The following MAMDC2 variants were observed in gnomAD, a reference collection of about 807,000 sequenced individuals.
MAMDC2 encodes MAM domain-containing protein 2.
Under a neutral mutation model 89.8 loss-of-function variants are expected in MAMDC2, and 57 were observed. The observed-to-expected ratio is 0.63, with a 90% CI of 0.51 to 0.79. The LOEUF (loss-of-function observed/expected upper bound fraction) is 0.79, where lower values mean the gene tolerates loss of function less well. Ranked by LOEUF, MAMDC2 falls within the 30% of genes least tolerant of loss-of-function variation. MAMDC2 has a pLI of 0.00. For missense variants in MAMDC2, 800 were observed against 820.6 expected, an observed-to-expected ratio of 0.97 and a Z score of 0.31; for synonymous variants, 313 against 293.4, an observed-to-expected ratio of 1.07 and a Z score of -0.68.
At chr9:70,118,523 A>C (rs1280791891) in intron 5 of MAMDC2, among the ~76,000 whole-genome samples, 1 of 152,196 alleles carries the variant, frequency 6.6e-6, no homozygotes, top group Non-Finnish European at 1.5e-5. Flanking sequence ...ATGCTCTAAA[A>C]AGGAAAGAGG....
chr9:70,177,625 G>A (rs1441775280), intron 11 of MAMDC2, among the ~76,000 whole-genome samples: 4 of 152,146 alleles, frequency 2.6e-5, no homozygotes, highest in Admixed American at 6.5e-5. Context: ...AAGTTCCCAC[G>A]TTTTGCAGGA....
At chr9:70,072,883 T>C (rs1175330397) in intron 2 of MAMDC2, among the ~76,000 whole-genome samples, 4 of 152,230 alleles carry the variant, frequency 2.6e-5, no homozygotes, top group African/African-American at 9.6e-5. Flanking sequence ...CTCTGTCCAC[T>C]GGAGTGCAGT....
At chr9:70,083,009 C>T (rs1010369299) in intron 2 of MAMDC2, 1 of 152,156 alleles carries the variant, frequency 6.6e-6, no homozygotes, top group Non-Finnish European at 1.5e-5. Flanking sequence ...CTAGAAGACA[C>T]TACCTATCAT....
intron 8 of MAMDC2, among the ~76,000 whole-genome samples, chr9:70,142,817 C>T (rs1366028296): frequency 6.6e-6 from 1 of 151,922 alleles, no homozygotes; most frequent in South Asian, 2.1e-4. Flanking sequence ...GGAGGAGGAG[C>T]AGAAAAAAGA....
At chr9:70,209,319 C>T (rs577937803) in intron 11 of MAMDC2, among the ~76,000 whole-genome samples, 1 of 152,138 alleles carries the variant, frequency 6.6e-6, no homozygotes, top group East Asian at 1.9e-4. Flanking sequence ...TCTGTTATTC[C>T]TCTATTCAGG....
chr9:70,186,060 A>C (rs2032748496), intron 11 of MAMDC2, among the ~76,000 whole-genome samples: 1 of 150,588 alleles, frequency 6.6e-6, no homozygotes, highest in Non-Finnish European at 1.5e-5. Flanking sequence ...TTCCTTTACA[A>C]GTTGTTTTTT....
chr9:70,056,415 T>C (rs374434058), intron 2 of MAMDC2, among the ~76,000 whole-genome samples: 1 of 152,356 alleles, frequency 6.6e-6, no homozygotes. Flanking sequence ...CACTGTTGTT[T>C]CTAAAAATCT....
chr9:70,110,085 T>A (rs73647407), intron 4 of MAMDC2, among the ~76,000 whole-genome samples: 1,720 of 152,326 alleles, frequency 0.011, 38 homozygotes, highest in African/African-American at 0.039. Context: ...CCTCAACACA[T>A]TCTGATTAAA....
chr9:70,208,297 T>C (rs2033273457), intron 11 of MAMDC2, among the ~76,000 whole-genome samples: 2 of 152,338 alleles, frequency 1.3e-5, no homozygotes, highest in South Asian at 2.1e-4. Context: ...TTGTGTCCTC[T>C]TTTATTTCAT....
At chr9:70,207,058 T>G (rs2033241071) in intron 11 of MAMDC2, among the ~76,000 whole-genome samples, 1 of 152,242 alleles carries the variant, frequency 6.6e-6, no homozygotes, top group African/African-American at 2.4e-5. Context: ...GTTCCAAGGC[T>G]TTGCTATTGT....
chr9:70,135,624 C>CT (rs890642453), intron 7 of MAMDC2, among the ~76,000 whole-genome samples: 15 of 152,028 alleles, frequency 9.9e-5, no homozygotes, highest in Admixed American at 5.2e-4. Flanking sequence ...TACTTTTAAG[C>CT]TTTTTTTGAT....
Position 70,120,080 on chromosome 9 carries a change from A to G in MAMDC2, c.644-6079A>G, listed in dbSNP as rs114732933. 8.1e-3 allele frequency among the ~76,000 whole-genome samples: 1,235 copies of G among 152,320 alleles called. 22 individuals are homozygous for G. Among genetic ancestry groups the G allele is most frequent in the African/African-American group, 0.029 (1,191 of 41,554 alleles). On this transcript the variant is annotated intron_variant, in intron 5 of 13. Transcript: ENST00000377182. ...ACCGCACTGGTAGGCAGTTCTCTTG[A>G]GAAGAGTCCTTTTAAGGTACTGTAG...
At chr9:70,197,406 A>C (rs915634415) in intron 11 of MAMDC2, among the ~76,000 whole-genome samples, 1 of 152,126 alleles carries the variant, frequency 6.6e-6, no homozygotes, top group Admixed American at 6.6e-5. Flanking sequence ...TACTTGATGA[A>C]ATGGAAGAAC....
At chr9:70,149,045 ATTTTT>A (rs34684659) in intron 9 of MAMDC2, among the ~76,000 whole-genome samples, 1 of 95,828 alleles carries the variant, frequency 1.0e-5, no homozygotes, top group African/African-American at 4.1e-5. Context: ...AAAAAAAAAA[ATTTTT>A]TTTTTTTTTT....
chr9:70,225,060 C>T (rs979440542), intron 12 of MAMDC2, among the ~76,000 whole-genome samples: 2 of 152,088 alleles, frequency 1.3e-5, no homozygotes, highest in African/African-American at 4.8e-5. Context: ...CCATGGGCCT[C>T]CCTGGACTAT....
rs142959159 is a variant in MAMDC2, at chr9:70,213,059, A to G, written c.1652-5278A>G. The stretch of plus-strand genomic sequence containing the variant: ...CCCATGAAAGAAAGAAGTCAATCGA[A>G]TGATCCTGGGGATAATTAAGAGGTT... On this transcript the variant is annotated intron_variant, in intron 11 of 13. Coordinates refer to ENST00000377182, the MANE Select transcript of MAMDC2 (RefSeq NM_153267.5). Among the ~76,000 whole-genome samples, 598 of 152,320 alleles carry G rather than the reference A, an allele frequency of 3.9e-3. 3 individuals are homozygous for G. Among genetic ancestry groups the G allele is most frequent in the African/African-American group, 0.013 (553 of 41,578 alleles).
At chr9:70,109,521 G>A (rs1025974098) in intron 3 of MAMDC2, among the ~76,000 whole-genome samples, 199 bp from the exon 4 acceptor site, 2 of 152,182 alleles carry the variant, frequency 1.3e-5, no homozygotes, top group Non-Finnish European at 2.9e-5. Flanking sequence ...GTGCACATGC[G>A]CATGCACACA....
At chr9:70,066,212 C>T (rs1007227029) in intron 2 of MAMDC2, among the ~76,000 whole-genome samples, 29 of 152,180 alleles carry the variant, frequency 1.9e-4, no homozygotes, top group Non-Finnish European at 2.1e-4. Flanking sequence ...ACATGCGACT[C>T]TCCAGGTTCC....
At chr9:70,047,079 C>T (rs186915934) in intron 2 of MAMDC2, among the ~76,000 whole-genome samples, 37 of 152,308 alleles carry the variant, frequency 2.4e-4, no homozygotes, top group Non-Finnish European at 2.1e-4. Context: ...TCTGCAAATG[C>T]ACTTCTTCCT....
Sources: allele counts gnomAD v4.1 joint callset (sites outside exome capture counted in the v4.1 genomes callset), GRCh38; gene constraint gnomAD v4.1.1; transcripts MANE v1.5; gene names NCBI Gene and HGNC (gene_info 2026-07-23, HGNC 2026-07-21).